KIAA0586: variants seen among roughly 807,000 people sequenced by gnomAD.
The protein encoded by KIAA0586 is KIAA0586, also known as protein TALPID3.
A neutral mutation model predicts 169.8 loss-of-function variants in KIAA0586; 144 were observed. That is an observed-to-expected ratio of 0.85 (90% CI 0.74 to 0.97). The LOEUF (loss-of-function observed/expected upper bound fraction) is 0.97, where lower values mean the gene tolerates loss of function less well. Among genes scored for constraint, KIAA0586 ranks in the 50% least tolerant of loss-of-function variants. The pLI, the probability that KIAA0586 is intolerant of heterozygous loss-of-function variation, is 0.00. For synonymous variants in KIAA0586, 625 were observed against 612.4 expected (o/e 1.02, Z -0.30); for missense variants, 1,854 against 1,823.0 (o/e 1.02, Z -0.31).
At position 58,543,220 on chromosome 14, in the gene KIAA0586, C is replaced by T. The variant is rs142038969; in HGVS notation, c.4495+3084C>T. Among the ~76,000 whole-genome samples the T allele has an allele frequency of 2.1e-3, 315 of 151,300 alleles. 1 individual carries two copies. Among genetic ancestry groups the T allele is most frequent in the African/African-American group, 7.1e-3 (292 of 41,310 alleles). ...AGAAAACTGGGGTTCAGAGAAGTTA[C>T]GTAACTTTTTCAGTCTCTTATTATT... On this transcript the variant is annotated intron_variant, in intron 30 of 30. Transcript: ENST00000652326.
At chr14:58,532,929 G>A (rs2046072462) in intron 29 of KIAA0586, among the ~76,000 whole-genome samples, 1 of 152,080 alleles carries the variant, frequency 6.6e-6, no homozygotes, top group African/African-American at 2.4e-5. Flanking sequence ...TTGCTAAAAT[G>A]TATCTTAAAA....
chr14:58,539,153 C>T (rs1007955051), intron 29 of KIAA0586, among the ~76,000 whole-genome samples: 1 of 152,164 alleles, frequency 6.6e-6, no homozygotes, highest in Admixed American at 6.5e-5. Flanking sequence ...GTTTATTTCA[C>T]TTAATGACCT....
intron 4 of KIAA0586, chr14:58,439,732 T>C (rs956019319): frequency 8.9e-6 from 5 of 564,110 alleles, no homozygotes; most frequent in African/African-American, 2.0e-5. Flanking sequence ...ATTTTGAGAC[T>C]GAGAGAAAAA....
chr14:58,528,949 G>A (rs1041399877), intron 29 of KIAA0586, among the ~76,000 whole-genome samples: 1 of 152,066 alleles, frequency 6.6e-6, no homozygotes, highest in Non-Finnish European at 1.5e-5. Context: ...AAAATGGATA[G>A]ACCACTAGCT....
rs1430738607 is a variant in KIAA0586 at position 58,549,936 on chromosome 14, G to A, written c.*2004G>A. On this transcript the variant is annotated 3_prime_UTR_variant, in exon 31 of 31. Transcript: ENST00000652326. ...ACTTTAGGGTAGAAGTGTAATCTTT[G>A]ATTTATTCTACTCCCTGTGCACGTG... is the stretch of plus-strand genomic sequence containing the variant. 6.6e-6 allele frequency: 1 copy of A among 151,470 alleles called. No individual in the cohort carries two copies. The highest frequency in any genetic ancestry group is 1.5e-5 in the Non-Finnish European group (1 of 67,936). 9.4% of individuals were successfully genotyped at this position (151,470 alleles called of 1,614,324 possible).
intron 29 of KIAA0586, 159 bp from the exon 30 acceptor site, chr14:58,539,912 C>A (rs2046536068): frequency 3.9e-6 from 2 of 507,238 alleles, no homozygotes; most frequent in East Asian, 6.3e-5. Context: ...TAACTTCCTT[C>A]TTTACATTCA....
At chr14:58,473,420 A>T (rs1330084661) in intron 18 of KIAA0586, among the ~76,000 whole-genome samples, 1 of 152,196 alleles carries the variant, frequency 6.6e-6, no homozygotes, top group African/African-American at 2.4e-5. Context: ...ATTTTTTTGT[A>T]ATAAAAACTT....
At chr14:58,472,712 A>G (rs1275612964) in intron 18 of KIAA0586, among the ~76,000 whole-genome samples, 1 of 151,832 alleles carries the variant, frequency 6.6e-6, no homozygotes, top group Admixed American at 6.6e-5. Flanking sequence ...TATAGAAATG[A>G]TAGAAATAAT....
chr14:58,469,599 G>A (rs2041042644), intron 16 of KIAA0586, among the ~76,000 whole-genome samples: 1 of 152,028 alleles, frequency 6.6e-6, no homozygotes, highest in Admixed American at 6.6e-5. Context: ...TAGATCAGGG[G>A]GCAAAGAATC....
intron 18 of KIAA0586, among the ~76,000 whole-genome samples, chr14:58,473,759 A>G (rs1449070317): frequency 6.6e-6 from 1 of 152,096 alleles, no homozygotes; most frequent in African/African-American, 2.4e-5. Flanking sequence ...TACAAAAATT[A>G]GCTAGGCATA....
rs563467903 is a variant in KIAA0586, at chr14:58,487,013, G to A, written c.3151G>A (p.Val1051Met). Reference sequence around the variant, plus strand: ...CTTGTTTTATTTATTTTAGGCAAGAGTGTGCACCCCACTGCCTACCCCACA... The same window carrying A: ...CTTGTTTTATTTATTTTAGGCAAGAATGTGCACCCCACTGCCTACCCCACA... ...STNETYLPARVCTPLPTPQPT... is the reference protein window; with the variant it reads ...STNETYLPARMCTPLPTPQPT... Residue 1051 changes from valine to methionine, a missense_variant, in exon 22 of 31, where the codon GTG becomes ATG. By Grantham distance (21) the Val-to-Met change is conservative. Transcript: ENST00000652326. 1 of 1,601,724 alleles carries A rather than the reference G, an allele frequency of 6.2e-7. No homozygotes were observed. The highest frequency in any genetic ancestry group is 1.3e-5 in the African/African-American group (1 of 74,362).
chr14:58,514,022 C>T (rs560191932), intron 29 of KIAA0586, among the ~76,000 whole-genome samples: 16 of 151,978 alleles, frequency 1.1e-4, no homozygotes, highest in Non-Finnish European at 2.1e-4. Flanking sequence ...GGAGAGCAGA[C>T]CTATACCAGC....
chr14:58,466,126 G>A lies in KIAA0586; in HGVS notation c.2254+97G>A, dbSNP rs1233069535. 4.4e-6 allele frequency: 4 copies of A among 916,742 alleles called. No individual in the cohort carries two copies. In the Admixed American group the frequency reaches 9.9e-5, roughly 23 times the overall value. 56.8% of individuals were successfully genotyped at this position (916,742 alleles called of 1,614,324 possible). A position where few individuals can be genotyped will look rare whatever the true frequency, so the allele number is the denominator to read the frequency against. On this transcript the variant is annotated intron_variant, in intron 15 of 30. Transcript: ENST00000652326. ...AGACGGGGTTTCACTGTGTGGCTCA[G>A]AGTGGTCTGGAACTCCTGGACTCAA... is the stretch of plus-strand genomic sequence containing the variant.
intron 17 of KIAA0586, among the ~76,000 whole-genome samples, chr14:58,471,641 A>T (rs2041220541): frequency 6.6e-6 from 1 of 152,146 alleles, no homozygotes; most frequent in Non-Finnish European, 1.5e-5. Context: ...GAATTTTTTC[A>T]TCAGTATTTT....
chr14:58,547,725 G>T, intron 30 of KIAA0586, 56 bp from the exon 31 acceptor site: 14 of 1,256,188 alleles, frequency 1.1e-5, no homozygotes, highest in Non-Finnish European at 1.4e-5. Flanking sequence ...AAAGCATAAA[G>T]CACGTAAATA....
At chr14:58,428,735 C>T (rs1210990116) in intron 1 of KIAA0586, among the ~76,000 whole-genome samples, 2 of 134,964 alleles carry the variant, frequency 1.5e-5, no homozygotes, top group Non-Finnish European at 3.1e-5. Flanking sequence ...ATACACTTAA[C>T]TTGTATAATG....
chr14:58,442,705 G>C lies in KIAA0586; in HGVS notation c.411-1G>C. On this transcript the variant is annotated splice_acceptor_variant, in intron 4 of 30. Transcript: ENST00000652326. LOFTEE classifies it high-confidence loss of function. Reference sequence around the variant, plus strand: ...CATTTTTATTGCTTTTTTATTTATAGAGCTCAAAGCATGCCTGTTTTTAAG... The same window carrying C: ...CATTTTTATTGCTTTTTTATTTATACAGCTCAAAGCATGCCTGTTTTTAAG... The C allele has an allele frequency of 6.5e-7, 1 of 1,537,734 alleles. No individual in the cohort carries two copies. Among genetic ancestry groups the C allele is most frequent in the Non-Finnish European group, 8.8e-7 (1 of 1,140,356 alleles).
the KIAA0586 span, among the ~76,000 whole-genome samples, chr14:58,556,325 T>A: frequency 1.3e-5 from 2 of 152,246 alleles, no homozygotes; most frequent in African/African-American, 4.8e-5. Context: ...GCCTTTGTTA[T>A]TTTAAGGTAA....
At chr14:58,508,395 A>G (rs1188083153) in intron 27 of KIAA0586, among the ~76,000 whole-genome samples, 160 bp from the exon 28 acceptor site, 1 of 152,164 alleles carries the variant, frequency 6.6e-6, no homozygotes, top group African/African-American at 2.4e-5. Context: ...TTTGGTTTTA[A>G]TTGCAGTGAA....
Sources: gnomAD v4.1 joint callset for allele counts (sites outside exome capture counted in the v4.1 genomes callset) on GRCh38, gnomAD v4.1.1 for gene constraint, MANE v1.5 for transcripts, NCBI Gene and HGNC (gene_info 2026-07-23, HGNC 2026-07-21) for gene names.